KLK7: variants seen among roughly 807,000 people sequenced by gnomAD.
KLK7 encodes the protein kallikrein related peptidase 7.
A neutral mutation model predicts 21.0 loss-of-function variants in KLK7; 17 were observed. The observed-to-expected ratio is 0.81, with a 90% CI of 0.55 to 1.21. The LOEUF (loss-of-function observed/expected upper bound fraction) is 1.21. KLK7 is among the 50% of genes most tolerant of loss of function. The pLI, the probability that KLK7 is intolerant of heterozygous loss-of-function variation, is 0.00. For missense variants in KLK7, 330 were observed against 322.8 expected, an observed-to-expected ratio of 1.02 and a Z score of -0.17; for synonymous variants, 151 against 134.6, an observed-to-expected ratio of 1.12 and a Z score of -0.85.
intron 5 of KLK7, among the ~76,000 whole-genome samples, chr19:50,977,954 A>C (rs1328171616): frequency 6.6e-6 from 1 of 151,952 alleles, no homozygotes; most frequent in Non-Finnish European, 1.5e-5. Flanking sequence ...AGCACTCTTT[A>C]TTTTCCAATG....
chr19:50,983,804 A>C, intron 1 of KLK7, 47 bp downstream of exon 1: 1 of 1,288,380 alleles, frequency 7.8e-7, no homozygotes, highest in Non-Finnish European at 1.0e-6. Context: ...TGGAGCCAGC[A>C]TCACCCTCTC....
At chr19:50,983,482 A>C (rs1258590583) in intron 1 of KLK7, among the ~76,000 whole-genome samples, 1 of 90,866 alleles carries the variant, frequency 1.1e-5, no homozygotes, top group Non-Finnish European at 2.1e-5. Flanking sequence ...CTCCTCCCTC[A>C]GACCCAGGAG....
At chr19:50,983,716 T>C (rs887561688) in intron 1 of KLK7, 135 bp downstream of exon 1, 6 of 1,157,844 alleles carry the variant, frequency 5.2e-6, no homozygotes, top group Non-Finnish European at 6.6e-6. Flanking sequence ...GGCCCCAAAT[T>C]GCAGACTTCC....
upstream of KLK7, chr19:50,983,939 C>G: frequency 1.6e-6 from 2 of 1,288,218 alleles, no homozygotes; most frequent in Non-Finnish European, 2.0e-6. Context: ...GGGCCGTCCT[C>G]TTATATCACC....
chr19:50,977,630 G>T lies in KLK7; in HGVS notation c.668C>A (p.Thr223Asn). ...GTLQGLVSWG[T>N]FPCGQPNDPG... ...GTCATTGGGTTGGCCGCAAGGGAAA[G>T]TTCCCCAGGACACCAGACCTTGCAG... is the stretch of plus-strand genomic sequence containing the variant. Residue 223 changes from threonine (T) to asparagine (N), a missense_variant, in exon 6 of 6, where the codon ACT (threonine) becomes AAT (asparagine). By Grantham distance (65) the Thr-to-Asn change is moderately conservative. Coordinates refer to ENST00000595820, the MANE Select transcript of KLK7 (RefSeq NM_005046.4). The T allele has an allele frequency of 1.2e-6, 2 of 1,613,854 alleles. No individual in the cohort carries two copies. Among genetic ancestry groups the T allele is most frequent in the Non-Finnish European group, 1.7e-6 (2 of 1,180,020 alleles).
intron 5 of KLK7, 41 bp downstream of exon 5, chr19:50,979,747 G>C: frequency 6.4e-7 from 1 of 1,550,728 alleles, no homozygotes. Flanking sequence ...ATGCAGACAG[G>C]GTACCCAGGA....
chr19:50,977,784 G>A (rs2043322799), intron 5 of KLK7, 93 bp from the exon 6 acceptor site: 5 of 1,304,254 alleles, frequency 3.8e-6, no homozygotes. Flanking sequence ...TTGTCTTGCA[G>A]ATTATGGACT....
At chr19:50,983,061 C>T (rs1203872252) in intron 1 of KLK7, among the ~76,000 whole-genome samples, 7 of 42,136 alleles carry the variant, frequency 1.7e-4, no homozygotes, top group East Asian at 1.6e-3. Context: ...CCCAGGAGTC[C>T]AGGCCCCAGC....
At position 50,977,621 on chromosome 19, in the gene KLK7, C is replaced by T. The variant is rs754525282; in HGVS notation, c.677G>A (p.Cys226Tyr). The T allele has an allele frequency of 1.2e-6, 2 of 1,613,482 alleles. No homozygotes were observed. The highest frequency in any genetic ancestry group is 1.7e-5 in the Admixed American group (1 of 59,978). Residue 226 changes from cysteine (C) to tyrosine (Y), a missense_variant, in exon 6 of 6, where the codon TGC becomes TAC. Physicochemically the swap from Cys to Tyr is radical, Grantham distance 194. Transcript: ENST00000595820. ...QGLVSWGTFP[C>Y]GQPNDPGVYT... ...GACTCCTGGGTCATTGGGTTGGCCG[C>T]AAGGGAAAGTTCCCCAGGACACCAG...
chr19:50,980,550 C>T, intron 3 of KLK7, 63 bp from the exon 4 acceptor site: 3 of 1,598,676 alleles, frequency 1.9e-6, no homozygotes, highest in Non-Finnish European at 2.6e-6. Flanking sequence ...GTGCAAAGAC[C>T]TGGGGGACGG....
chr19:50,982,531 C>G (rs1339672539), intron 1 of KLK7, 74 bp from the exon 2 acceptor site: 5 of 1,223,870 alleles, frequency 4.1e-6, no homozygotes, highest in East Asian at 7.3e-5. Context: ...GCCCCTCCCC[C>G]CACAGACCCA....
chr19:50,983,361 C>T (rs1480278265), intron 1 of KLK7, among the ~76,000 whole-genome samples: 2 of 70,852 alleles, frequency 2.8e-5, no homozygotes, highest in South Asian at 6.7e-4. Context: ...AGGCCCCAGC[C>T]CCTCCTCCCT....
intron 5 of KLK7, 123 bp from the exon 6 acceptor site, chr19:50,977,814 A>T: frequency 2.1e-6 from 2 of 969,644 alleles, no homozygotes; most frequent in Non-Finnish European, 3.1e-6. Flanking sequence ...GCCAATGAGA[A>T]GAGACTCATT....
At position 50,977,313 on chromosome 19, in the gene KLK7, G is replaced by A. The variant is rs540471407; in HGVS notation, c.*223C>T. The A allele has an allele frequency of 4.4e-4, 243 of 549,206 alleles. No homozygotes were observed. The highest frequency in any genetic ancestry group is 7.5e-4 in the South Asian group (33 of 43,748). The allele number at this position is 549,206 out of a possible 1,614,324, so 34.0% of individuals were successfully genotyped here. A position where few individuals can be genotyped will look rare whatever the true frequency, so the allele number is the denominator to read the frequency against. ...ACGTCCAGTTCCAGTGTTTGAGAGT[G>A]CTGGTCTCACTGACTCTTCTCCAGC... On this transcript the variant is annotated 3_prime_UTR_variant, in exon 6 of 6. Transcript: ENST00000595820.
chr19:50,978,355 C>G (rs996689724), intron 5 of KLK7, among the ~76,000 whole-genome samples: 4 of 151,804 alleles, frequency 2.6e-5, no homozygotes, highest in African/African-American at 9.7e-5. Flanking sequence ...GCTGAAGGTG[C>G]AGATGTGAGC....
rs562267478 is a variant in KLK7 at position 50,977,412 on chromosome 19, A to C, written c.*124T>G. ...AATTTGATTGGTTTATCAACAGGGCATGAGGTTGGTTTAAATATATCTTTG... is the reference window on the plus strand; with the variant it reads ...AATTTGATTGGTTTATCAACAGGGCCTGAGGTTGGTTTAAATATATCTTTG... On this transcript the variant is annotated 3_prime_UTR_variant, in exon 6 of 6. Coordinates refer to ENST00000595820, the MANE Select transcript of KLK7 (RefSeq NM_005046.4). 1.0e-4 allele frequency: 72 copies of C among 709,710 alleles called. No homozygotes were observed. The highest frequency in any genetic ancestry group is 7.0e-4 in the Admixed American group (24 of 34,294). The allele number at this position is 709,710 out of a possible 1,614,324, so 44.0% of individuals were successfully genotyped here.
At chr19:50,983,707 G>T in intron 1 of KLK7, 144 bp downstream of exon 1, 1 of 1,126,348 alleles carries the variant, frequency 8.9e-7, no homozygotes, top group Non-Finnish European at 1.1e-6. Context: ...TCCCTAAAAG[G>T]CCCCAAATTG....
intron 3 of KLK7, 78 bp downstream of exon 3, chr19:50,981,689 C>G (rs2091089907): frequency 2.2e-6 from 3 of 1,368,024 alleles, no homozygotes; most frequent in Non-Finnish European, 2.0e-6. Flanking sequence ...GCCGTAGGCA[C>G]AGAAAGACTG....
At chr19:50,983,212 C>T (rs1410929880) in intron 1 of KLK7, among the ~76,000 whole-genome samples, 12 of 119,798 alleles carry the variant, frequency 1.0e-4, no homozygotes, top group African/African-American at 1.8e-4. Context: ...AGTCCAGGCC[C>T]CAGCCCCTCC....
Sources: gnomAD v4.1 joint callset for allele counts (sites outside exome capture counted in the v4.1 genomes callset) on GRCh38, gnomAD v4.1.1 for gene constraint, MANE v1.5 for transcripts, NCBI Gene and HGNC (gene_info 2026-07-23, HGNC 2026-07-21) for gene names.